The following DIPK2B variants were observed in gnomAD, a reference collection of about 807,000 sequenced individuals.
DIPK2B encodes UPF0672 protein CXorf36.
A neutral mutation model predicts 22.2 loss-of-function variants in DIPK2B; 15 were observed. That is an observed-to-expected ratio of 0.68 (90% CI 0.45 to 1.04). The LOEUF (loss-of-function observed/expected upper bound fraction) is 1.04, where lower values mean the gene tolerates loss of function less well. DIPK2B is among the 50% of genes least tolerant of loss of function. The probability of loss-of-function intolerance (pLI) is 0.00; values close to 1 mark genes in which losing one functional copy is unlikely to be tolerated. For synonymous variants in DIPK2B, 163 were observed against 153.2 expected, an observed-to-expected ratio of 1.06 and a Z score of -0.47; for missense variants, 345 against 348.3, an observed-to-expected ratio of 0.99 and a Z score of 0.08.
intron 2 of DIPK2B, among the ~76,000 whole-genome samples, chrX:45,164,847 G>C (rs2047039679): frequency 8.9e-6 from 1 of 112,076 alleles, no homozygotes; most frequent in Non-Finnish European, 1.9e-5. Flanking sequence ...TGGGGCAGAA[G>C]GGTCACTTGA....
chrX:45,168,042 C>T (rs2047058614), intron 2 of DIPK2B, among the ~76,000 whole-genome samples: 1 of 112,645 alleles, frequency 8.9e-6, no homozygotes. Context: ...CACCTCATAA[C>T]TCTCAGTCAT....
chrX:45,165,452 C>T (rs753759534), intron 2 of DIPK2B, among the ~76,000 whole-genome samples: 1 of 111,247 alleles, frequency 9.0e-6, no homozygotes, highest in South Asian at 3.9e-4. Flanking sequence ...CACATCACAT[C>T]TCGGAGCCCA....
intron 2 of DIPK2B, chrX:45,164,330 TG>T: frequency 9.6e-7 from 1 of 1,036,856 alleles, no homozygotes; most frequent in South Asian, 2.3e-5. Flanking sequence ...CAGCTCTGGC[TG>T]TTAAATGCAA....
intron 2 of DIPK2B, chrX:45,164,193 C>T (rs1569544661): frequency 1.7e-6 from 2 of 1,193,235 alleles, no homozygotes; most frequent in Non-Finnish European, 2.3e-6. Context: ...GGCTTTTTCA[C>T]TGGTGTTATC....
chrX:45,154,664 G>A (rs1179843857), intron 3 of DIPK2B, among the ~76,000 whole-genome samples: 1 of 111,824 alleles, frequency 8.9e-6, no homozygotes, highest in Non-Finnish European at 1.9e-5. Flanking sequence ...CACAATTTTA[G>A]ATAGCATCAG....
At chrX:45,176,751 C>T (rs1208013861) in intron 2 of DIPK2B, among the ~76,000 whole-genome samples, 4 of 111,741 alleles carry the variant, frequency 3.6e-5, no homozygotes, top group South Asian at 7.6e-4. Flanking sequence ...ACTAGGCAAC[C>T]CCCTGGAGAA....
At chrX:45,169,694 C>G (rs754809200) in intron 2 of DIPK2B, among the ~76,000 whole-genome samples, 1 of 112,244 alleles carries the variant, frequency 8.9e-6, no homozygotes, top group African/African-American at 3.2e-5. Flanking sequence ...CTGTGCTTTA[C>G]AGGCTGTGGC....
chrX:45,153,763 T>A lies in DIPK2B; in HGVS notation c.961+147A>T, dbSNP rs2046974455. The A allele has an allele frequency of 6.4e-6, 3 of 466,730 alleles. No homozygotes were observed. In the Admixed American group the frequency reaches 1.2e-4, roughly 19 times the overall value. The allele number at this position is 466,730 out of a possible 1,213,427, so 38.5% of individuals were successfully genotyped here. ...GGAGTGAGGGACATTTTACATGAAA[T>A]CTAATATTCTCCGAACTTGAGTGGC... On this transcript the variant is annotated intron_variant, in intron 4 of 4. Coordinates refer to ENST00000398000, the MANE Select transcript of DIPK2B (RefSeq NM_176819.4).
intron 1 of DIPK2B, among the ~76,000 whole-genome samples, chrX:45,200,204 C>T (rs903177390): frequency 1.8e-5 from 2 of 111,632 alleles, no homozygotes; most frequent in Non-Finnish European, 3.8e-5. Context: ...TCTCAGCTTA[C>T]CACCTCAATA....
intron 2 of DIPK2B, among the ~76,000 whole-genome samples, chrX:45,160,657 G>C (rs757568447): frequency 2.2e-4 from 25 of 111,984 alleles, no homozygotes; most frequent in Non-Finnish European, 4.1e-4. Context: ...AGAGGAGAGA[G>C]AATGTGCTAG....
In DIPK2B at chrX:45,157,857, G is replaced by A. The variant is rs887602649; in HGVS notation, c.530C>T (p.Ser177Leu). 2 of 1,160,159 alleles carry A rather than the reference G, an allele frequency of 1.7e-6. No individual in the cohort carries two copies. The highest frequency in any genetic ancestry group is 1.8e-5 in the African/African-American group (1 of 54,445). ...GLASPLLRCP[S>L]QRLLDRVVRR... Reference sequence around the variant, plus strand: ...GACCACGCGATCCAGGAGTCGCTGCGAAGGGCAGCGCAGGAGCGGGCTGGC... The same window carrying A: ...GACCACGCGATCCAGGAGTCGCTGCAAAGGGCAGCGCAGGAGCGGGCTGGC... The change falls in exon 3 of 5, where the codon TCG becomes TTG. Residue 177 changes from serine (S) to leucine (L), a missense_variant. Coordinates refer to ENST00000398000, the MANE Select transcript of DIPK2B (RefSeq NM_176819.4).
Position 45,191,843 on chromosome X carries a change from G to T in DIPK2B, c.406C>A (p.Pro136Thr). The T allele has an allele frequency of 8.3e-7, 1 of 1,212,009 alleles. No individual in the cohort carries two copies. Residue 136 changes from proline to threonine, a missense_variant, in exon 2 of 5, where the codon CCA (proline) becomes ACA (threonine). Transcript: ENST00000398000. ...DRRICASASAPKTCSIERVLR... is the reference protein window; with the variant it reads ...DRRICASASATKTCSIERVLR... ...ACACGCTCAATGCTGCAGGTCTTTGGGGCTGATGCAGAGGCACAGATTCTC... is the reference window on the plus strand; with the variant it reads ...ACACGCTCAATGCTGCAGGTCTTTGTGGCTGATGCAGAGGCACAGATTCTC...
In DIPK2B at chrX:45,163,686, G is replaced by A. The variant is rs777592734; in HGVS notation, c.499-5798C>T. The A allele has an allele frequency of 1.3e-5, 10 of 753,125 alleles. No homozygotes were observed. In the African/African-American group the frequency reaches 1.6e-4, roughly 12 times the overall value. 62.1% of individuals were successfully genotyped at this position (753,125 alleles called of 1,213,427 possible). On this transcript the variant is annotated intron_variant, in intron 2 of 4. Coordinates refer to ENST00000398000, the MANE Select transcript of DIPK2B (RefSeq NM_176819.4). The stretch of plus-strand genomic sequence containing the variant: ...TGGAGGTACTTAAAAAGTAAAAGAG[G>A]TATGCTTTTTTTTCCCTCTAGAAGC...
Position 45,154,060 on chromosome X carries a change from G to T in DIPK2B, c.811C>A (p.Leu271Ile), listed in dbSNP as rs767520578. 1.7e-5 allele frequency: 21 copies of T among 1,211,654 alleles called. No individual in the cohort carries two copies. The East Asian group carries it at 6.2e-4, about 36-fold the overall frequency. ...PDQAADLAYQ[L>I]LGVLESLRSN... The stretch of plus-strand genomic sequence containing the variant: ...CTCAAAGACTCCAGGACACCCAGGA[G>T]CTGGTAGGCAAGGTCGGCTGCCTGA... Residue 271 changes from leucine to isoleucine, a missense_variant, in exon 4 of 5, where the codon CTC becomes ATC. Transcript: ENST00000398000.
At chrX:45,164,506 A>G (rs1470488566) in intron 2 of DIPK2B, among the ~76,000 whole-genome samples, 1 of 111,569 alleles carries the variant, frequency 9.0e-6, no homozygotes, top group Non-Finnish European at 1.9e-5. Flanking sequence ...TAACACAAGA[A>G]CAAAAAAACC....
intron 1 of DIPK2B, among the ~76,000 whole-genome samples, chrX:45,197,311 C>T (rs1341416953): frequency 1.8e-5 from 2 of 109,529 alleles, no homozygotes; most frequent in Admixed American, 9.7e-5. Flanking sequence ...GATCTCAACT[C>T]ACTGCAGCCT....
At chrX:45,197,794 A>G (rs1243501488) in intron 1 of DIPK2B, among the ~76,000 whole-genome samples, 1 of 111,774 alleles carries the variant, frequency 8.9e-6, no homozygotes, top group Non-Finnish European at 1.9e-5. Flanking sequence ...ATCTCCTTCA[A>G]TTTTGTCTTT....
At chrX:45,164,026 G>A in intron 2 of DIPK2B, 1 of 1,000,392 alleles carries the variant, frequency 1.0e-6, no homozygotes, top group South Asian at 4.1e-5. Context: ...TGGTGGGCCT[G>A]TGTGTTGGTG....
chrX:45,197,437 A>G (rs997339527), intron 1 of DIPK2B, among the ~76,000 whole-genome samples: 6 of 111,041 alleles, frequency 5.4e-5, no homozygotes, highest in Admixed American at 9.6e-5. Context: ...GGGTTTTCAC[A>G]TTGTTGGCCA....
Sources: allele counts gnomAD v4.1 joint callset (sites outside exome capture counted in the v4.1 genomes callset), GRCh38; gene constraint gnomAD v4.1.1; transcripts MANE v1.5; gene names NCBI Gene and HGNC (gene_info 2026-07-23, HGNC 2026-07-21).